The following DAB1 variants were observed in gnomAD, a reference collection of about 807,000 sequenced individuals.
DAB1 encodes the protein DAB adaptor protein 1, also known as disabled homolog 1.
A neutral mutation model predicts 64.6 loss-of-function variants in DAB1; 15 were observed. The ratio of observed to expected loss-of-function variants is 0.23; its 90% CI spans 0.16 to 0.36. The LOEUF (loss-of-function observed/expected upper bound fraction) is 0.36, where lower values mean the gene tolerates loss of function less well. Ranked by LOEUF, DAB1 falls within the 10% of genes least tolerant of loss-of-function variation. DAB1 has a pLI of 1.00. For missense variants in DAB1, 596 were observed against 706.7 expected (o/e 0.84, Z 1.78); for synonymous variants, 235 against 251.9 (o/e 0.93, Z 0.64).
chr1:57,160,900 GC>G (rs1474125925), intron 2 of DAB1, among the ~76,000 whole-genome samples: 2 of 152,198 alleles, frequency 1.3e-5, no homozygotes, highest in Admixed American at 6.5e-5. Flanking sequence ...AAACACCCAG[GC>G]CCCATGTCTC....
intron 5 of DAB1, among the ~76,000 whole-genome samples, chr1:58,126,447 CTTTTTTTCTTTTTT>C (rs1417060455): frequency 9.0e-6 from 1 of 111,480 alleles, no homozygotes; most frequent in Non-Finnish European, 1.7e-5. Context: ...CAATCTTTTT[CTTTTTTTCTTTTTT>C]TTTTTTTATT....
chr1:58,051,930 G>C (rs915943390), intron 5 of DAB1, among the ~76,000 whole-genome samples: 41 of 152,230 alleles, frequency 2.7e-4, no homozygotes, highest in Admixed American at 8.5e-4. Flanking sequence ...GTTCTTTGTA[G>C]ATTCTGGATA....
intron 5 of DAB1, among the ~76,000 whole-genome samples, chr1:58,099,396 G>A (rs768772098): frequency 2.6e-5 from 4 of 152,214 alleles, no homozygotes; most frequent in Non-Finnish European, 4.4e-5. Context: ...GAATGAGTGA[G>A]AGAATGAATG....
intron 4 of DAB1, among the ~76,000 whole-genome samples, chr1:58,250,235 C>G (rs1404475653): frequency 1.3e-5 from 2 of 152,202 alleles, no homozygotes; most frequent in Non-Finnish European, 1.5e-5. Context: ...AACATATTCT[C>G]CTACCTCCAG....
At chr1:57,048,618 C>T (rs866153435) in intron 9 of DAB1, among the ~76,000 whole-genome samples, 2 of 152,216 alleles carry the variant, frequency 1.3e-5, no homozygotes, top group Non-Finnish European at 2.9e-5. Context: ...ATACTACCTT[C>T]TCTGGATCTC....
intron 1 of DAB1, among the ~76,000 whole-genome samples, chr1:58,534,927 G>A (rs1646493705): frequency 1.3e-5 from 2 of 152,176 alleles, no homozygotes; most frequent in Admixed American, 6.5e-5. Flanking sequence ...GGGTGACAGA[G>A]GGAGATCCCA....
intron 4 of DAB1, among the ~76,000 whole-genome samples, chr1:58,328,510 G>A (rs140681473): frequency 1.3e-5 from 2 of 152,296 alleles, no homozygotes; most frequent in African/African-American, 4.8e-5. Flanking sequence ...GCCCTTTGCC[G>A]CAGCAGCCAC....
intron 4 of DAB1, among the ~76,000 whole-genome samples, chr1:58,172,749 T>C (rs371297213): frequency 6.6e-6 from 1 of 152,180 alleles, no homozygotes; most frequent in Non-Finnish European, 1.5e-5. Flanking sequence ...GTAACTGTAG[T>C]TGAAAGTAAG....
At chr1:58,022,149 G>T (rs1164888444) in intron 5 of DAB1, among the ~76,000 whole-genome samples, 3 of 152,130 alleles carry the variant, frequency 2.0e-5, no homozygotes, top group Non-Finnish European at 4.4e-5. Context: ...CAGGTACCTT[G>T]AGAATCTGGC....
intron 4 of DAB1, among the ~76,000 whole-genome samples, chr1:58,247,585 A>G (rs1304132298): frequency 6.6e-6 from 1 of 152,170 alleles, no homozygotes; most frequent in African/African-American, 2.4e-5. Flanking sequence ...TTGTCTTATC[A>G]TGTCAAAGCT....
At chr1:58,127,345 G>T (rs1201352124) in intron 5 of DAB1, among the ~76,000 whole-genome samples, 2 of 152,014 alleles carry the variant, frequency 1.3e-5, no homozygotes, top group Non-Finnish European at 2.9e-5. Flanking sequence ...GTTCATTGTA[G>T]ATTCTGGATA....
intron 1 of DAB1, among the ~76,000 whole-genome samples, chr1:57,293,822 C>A (rs987867310): frequency 6.6e-6 from 1 of 152,104 alleles, no homozygotes; most frequent in Non-Finnish European, 1.5e-5. Context: ...TTCTCTTCTT[C>A]AACCTTATAA....
chr1:57,427,353 T>A (rs1454484622), upstream of DAB1, among the ~76,000 whole-genome samples: 2 of 152,214 alleles, frequency 1.3e-5, no homozygotes, highest in Non-Finnish European at 2.9e-5. Context: ...CCTTTGAGGA[T>A]CTTGGAGTCA....
intron 1 of DAB1, among the ~76,000 whole-genome samples, chr1:58,545,296 G>A (rs941565900): frequency 1.3e-5 from 2 of 152,118 alleles, no homozygotes; most frequent in African/African-American, 2.4e-5. Flanking sequence ...GAATCCTATT[G>A]ACACAGAAGG....
At chr1:57,179,067 A>G (rs950061529) in intron 2 of DAB1, among the ~76,000 whole-genome samples, 4 of 152,206 alleles carry the variant, frequency 2.6e-5, no homozygotes, top group Admixed American at 1.3e-4. Context: ...GAAATTCAAC[A>G]TGAGAGTCAT....
intron 7 of DAB1, among the ~76,000 whole-genome samples, chr1:57,453,320 A>G (rs945826327): frequency 6.6e-6 from 1 of 152,204 alleles, no homozygotes; most frequent in Non-Finnish European, 1.5e-5. Context: ...GTATTCATGT[A>G]TGAGAAAACC....
At chr1:58,297,344 A>T (rs1336701218) in intron 4 of DAB1, among the ~76,000 whole-genome samples, 1 of 152,190 alleles carries the variant, frequency 6.6e-6, no homozygotes, top group Non-Finnish European at 1.5e-5. Context: ...AAGTGTACAT[A>T]AGGCCCTATA....
chr1:58,540,282 G>GAA (rs142462867), intron 1 of DAB1, among the ~76,000 whole-genome samples: 20 of 144,860 alleles, frequency 1.4e-4, no homozygotes, highest in African/African-American at 4.0e-4. Flanking sequence ...TGCATCCCAG[G>GAA]AAAAAAAAAA....
intron 6 of DAB1, among the ~76,000 whole-genome samples, chr1:57,683,662 C>T (rs1001143414): frequency 6.6e-6 from 1 of 152,150 alleles, no homozygotes; most frequent in Non-Finnish European, 1.5e-5. Flanking sequence ...GAAAGGAACA[C>T]CAGCGCTCTA....
Sources: gnomAD v4.1 joint callset for allele counts (sites outside exome capture counted in the v4.1 genomes callset) on GRCh38, gnomAD v4.1.1 for gene constraint, MANE v1.5 for transcripts, NCBI Gene and HGNC (gene_info 2026-07-23, HGNC 2026-07-21) for gene names.